SCAI: variants seen among roughly 807,000 people sequenced by gnomAD.
SCAI encodes the protein protein SCAI.
Under a neutral mutation model 92.2 loss-of-function variants are expected in SCAI, and 24 were observed. The observed-to-expected ratio is 0.26, with a 90% CI of 0.19 to 0.37. The LOEUF (loss-of-function observed/expected upper bound fraction) is 0.37, where lower values mean the gene tolerates loss of function less well. Ranked by LOEUF, SCAI falls within the 10% of genes least tolerant of loss-of-function variation. SCAI has a pLI of 1.00. For missense variants in SCAI, 450 were observed against 736.2 expected (o/e 0.61, Z 4.50); for synonymous variants, 261 against 258.6 (o/e 1.01, Z -0.09).
chr9:125,053,070 G>A lies in SCAI; in HGVS notation c.230+2806C>T, dbSNP rs780839381. Among the ~76,000 whole-genome samples, 3 of 152,200 alleles carry A rather than the reference G, an allele frequency of 2.0e-5. No individual in the cohort carries two copies. The South Asian group carries it at 6.2e-4, about 32-fold the overall frequency. ...ATTCTACTCCTTGGTATATGGCCAA[G>A]AGAATCGTAATCCCAGCACTTTGGG... On this transcript the variant is annotated intron_variant, in intron 3 of 17. Transcript: ENST00000336505.
At chr9:124,962,245 C>G (rs10819016) in intron 17 of SCAI, among the ~76,000 whole-genome samples, 78,965 of 147,620 alleles carry the variant, frequency 0.53, 21,861 homozygotes, top group South Asian at 0.58. Context: ...CTGCAACCTC[C>G]ACCTTCTGGG....
rs71374207 is a variant in SCAI at position 124,944,466 on chromosome 9, A to ATTTTTTTTTTTTTTTTTTTTTTTTTTTTT, written c.*8340_*8341insAAAAAAAAAAAAAAAAAAAAAAAAAAAAA. ...AGGCGCACACCACCATGCCTGGCTA[A>ATTTTTTTTTTTTTTTTTTTTTTTTTTTTT]TTTTTTTTTTTTTTTTTTTTTTTTT... On this transcript the variant is annotated 3_prime_UTR_variant, in exon 18 of 18. Transcript: ENST00000336505. 1.2e-5 allele frequency: 1 copy of ATTTTTTTTTTTTTTTTTTTTTTTTTTTTT among 84,724 alleles called. No homozygotes were observed. The highest frequency in any genetic ancestry group is 2.1e-5 in the Non-Finnish European group (1 of 47,520). The allele number at this position is 84,724 out of a possible 1,614,324, so 5.2% of individuals were successfully genotyped here.
chr9:125,045,785 C>T (rs1187927748), intron 3 of SCAI, among the ~76,000 whole-genome samples: 4 of 151,262 alleles, frequency 2.6e-5, no homozygotes, highest in Admixed American at 6.6e-5. Flanking sequence ...TTGTTTTTCT[C>T]ATCTGTAGAA....
chr9:125,010,586 C>A (rs906172817), intron 9 of SCAI, among the ~76,000 whole-genome samples: 1 of 152,244 alleles, frequency 6.6e-6, no homozygotes, highest in African/African-American at 2.4e-5. Context: ...CCTCTGTAGG[C>A]TCCACCTCTG....
At chr9:125,082,084 C>A (rs952599845) in intron 2 of SCAI, among the ~76,000 whole-genome samples, 1 of 152,188 alleles carries the variant, frequency 6.6e-6, no homozygotes. Flanking sequence ...CCTCCCATCA[C>A]AGGCCTGGAG....
chr9:124,994,853 T>C (rs1832205352), intron 14 of SCAI, 81 bp downstream of exon 14: 1 of 786,734 alleles, frequency 1.3e-6, no homozygotes, highest in Non-Finnish European at 2.1e-6. Flanking sequence ...TAAAGCAAAA[T>C]AAAAAGGCAC....
At chr9:125,007,952 T>C (rs1832547131) in intron 9 of SCAI, among the ~76,000 whole-genome samples, 1 of 151,534 alleles carries the variant, frequency 6.6e-6, no homozygotes, top group East Asian at 2.0e-4. Flanking sequence ...TTCACGCCAT[T>C]CTCCTGCCTC....
intron 2 of SCAI, among the ~76,000 whole-genome samples, chr9:125,110,421 G>A (rs1044874363): frequency 3.9e-5 from 6 of 152,180 alleles, no homozygotes; most frequent in African/African-American, 9.7e-5. Context: ...GAGGTGGGAG[G>A]ATCACTTGAG....
chr9:125,029,524 G>T, intron 4 of SCAI, 120 bp downstream of exon 4: 1 of 529,774 alleles, frequency 1.9e-6, no homozygotes, highest in Non-Finnish European at 3.4e-6. Flanking sequence ...ATTTACCTTT[G>T]CTTTGTTGGT....
intron 3 of SCAI, among the ~76,000 whole-genome samples, chr9:125,042,128 G>A (rs1833327586): frequency 6.6e-6 from 1 of 152,188 alleles, no homozygotes; most frequent in African/African-American, 2.4e-5. Context: ...CATAATTTAA[G>A]TGACCTTATA....
chr9:125,142,433 G>C, intron 2 of SCAI, 200 bp downstream of exon 2: 1 of 455,946 alleles, frequency 2.2e-6, no homozygotes, highest in East Asian at 3.7e-5. Flanking sequence ...CATTATCTTA[G>C]ATACCAAGAA....
At chr9:125,039,476 G>A (rs1833275384) in intron 3 of SCAI, among the ~76,000 whole-genome samples, 1 of 152,128 alleles carries the variant, frequency 6.6e-6, no homozygotes, top group Admixed American at 6.6e-5. Context: ...AGAAGGGCAG[G>A]TGCTGATTTC....
intron 2 of SCAI, among the ~76,000 whole-genome samples, chr9:125,058,346 C>G (rs1833711765): frequency 6.6e-6 from 1 of 151,854 alleles, no homozygotes; most frequent in African/African-American, 2.4e-5. Context: ...AAACCCATCT[C>G]CACCAAAAAA....
At position 124,976,823 on chromosome 9, in the gene SCAI, CATTTT is replaced by C. The variant is rs1178224160; in HGVS notation, c.1327-642_1327-638del. Among the ~76,000 whole-genome samples, 6 of 151,640 alleles carry C rather than the reference CATTTT, an allele frequency of 4.0e-5. No homozygotes were observed. In the South Asian group the frequency reaches 1.0e-3, roughly 26 times the overall value. On this transcript the variant is annotated intron_variant, in intron 14 of 17. Coordinates refer to ENST00000336505, the MANE Select transcript of SCAI (RefSeq NM_001144877.3). ...GAAATAAAAAATCAAACAACAAAAA[CATTTT>C]TTAAAATACTCTTGAATGAAGACTT... is the stretch of plus-strand genomic sequence containing the variant.
chr9:125,141,297 A>G (rs972301), intron 2 of SCAI, among the ~76,000 whole-genome samples: 67,256 of 151,978 alleles, frequency 0.44, 15,267 homozygotes, highest in East Asian at 0.53. Context: ...CACCATCAGC[A>G]TTTCGTGTCT....
At chr9:125,013,578 C>A (rs1270357058) in intron 9 of SCAI, among the ~76,000 whole-genome samples, 1 of 152,198 alleles carries the variant, frequency 6.6e-6, no homozygotes, top group Non-Finnish European at 1.5e-5. Flanking sequence ...CAGACGGATT[C>A]ACAGCCGAAT....
chr9:125,027,384 C>G (rs536264414), intron 5 of SCAI, among the ~76,000 whole-genome samples: 1 of 152,280 alleles, frequency 6.6e-6, no homozygotes, highest in Non-Finnish European at 1.5e-5. Context: ...TGAGAAAACA[C>G]TTCTAGTTTT....
intron 4 of SCAI, 60 bp from the exon 5 acceptor site, chr9:125,028,538 A>G (rs1833007823): frequency 1.2e-6 from 1 of 857,896 alleles, no homozygotes; most frequent in Non-Finnish European, 1.8e-6. Flanking sequence ...AACTAATCAA[A>G]TCTGTAAATT....
intron 2 of SCAI, among the ~76,000 whole-genome samples, chr9:125,074,405 C>T (rs973743900): frequency 4.0e-5 from 6 of 151,082 alleles, no homozygotes; most frequent in African/African-American, 1.5e-4. Flanking sequence ...TACAGGCGTG[C>T]ACCACCATGC....
Sources: allele counts gnomAD v4.1 joint callset (sites outside exome capture counted in the v4.1 genomes callset), GRCh38; gene constraint gnomAD v4.1.1; transcripts MANE v1.5; gene names NCBI Gene and HGNC (gene_info 2026-07-23, HGNC 2026-07-21).